Variants in CCDC178 observed in about 807,000 individuals in gnomAD.
CCDC178 encodes coiled-coil domain-containing protein 178.
A neutral mutation model predicts 117.4 loss-of-function variants in CCDC178; 126 were observed. The observed-to-expected ratio is 1.07, with a 90% CI of 0.93 to 1.24. The LOEUF (loss-of-function observed/expected upper bound fraction) is 1.24. CCDC178 is among the 50% of genes most tolerant of loss of function. The pLI is 0.00. For missense variants in CCDC178, 1,030 were observed against 986.9 expected, an observed-to-expected ratio of 1.04 and a Z score of -0.59; for synonymous variants, 283 against 313.4, an observed-to-expected ratio of 0.90 and a Z score of 1.02.
chr18:32,959,838 T>A (rs878926771), intron 22 of CCDC178, among the ~76,000 whole-genome samples: 1 of 151,952 alleles, frequency 6.6e-6, no homozygotes, highest in Non-Finnish European at 1.5e-5. Flanking sequence ...CTCTTCCACT[T>A]GAAAAATGTC....
intron 21 of CCDC178, among the ~76,000 whole-genome samples, chr18:33,002,943 C>T (rs1469918151): frequency 3.9e-5 from 6 of 152,066 alleles, no homozygotes; most frequent in Admixed American, 3.9e-4. Flanking sequence ...TGGATAAATT[C>T]CTAGATACAT....
chr18:33,264,655 C>T (rs1261870050), intron 14 of CCDC178, among the ~76,000 whole-genome samples: 1 of 152,018 alleles, frequency 6.6e-6, no homozygotes, highest in Non-Finnish European at 1.5e-5. Context: ...GATAGATGTA[C>T]TTGTGTTCCC....
At chr18:33,347,125 A>G (rs2062906883) in intron 8 of CCDC178, among the ~76,000 whole-genome samples, 1 of 152,166 alleles carries the variant, frequency 6.6e-6, no homozygotes, top group Admixed American at 6.5e-5. Flanking sequence ...GGTAAAGAAG[A>G]CAGATATGAG....
At chr18:33,102,049 T>C (rs759814446) in intron 20 of CCDC178, among the ~76,000 whole-genome samples, 14 of 151,888 alleles carry the variant, frequency 9.2e-5, no homozygotes, top group Non-Finnish European at 1.6e-4. Context: ...AACAGAGAGG[T>C]ACATGGAGTA....
chr18:33,402,466 T>C (rs1218948709), intron 3 of CCDC178, among the ~76,000 whole-genome samples: 1 of 152,192 alleles, frequency 6.6e-6, no homozygotes, highest in East Asian at 1.9e-4. Context: ...GAGTTGCAGT[T>C]TTTTGCAAGC....
chr18:32,977,652 T>G (rs1369243443), intron 21 of CCDC178, among the ~76,000 whole-genome samples: 1 of 152,186 alleles, frequency 6.6e-6, no homozygotes, highest in Non-Finnish European at 1.5e-5. Context: ...GGCTGTAGGA[T>G]GAACTCTTAG....
chr18:33,373,190 T>A (rs951950862), intron 5 of CCDC178, among the ~76,000 whole-genome samples: 3 of 152,182 alleles, frequency 2.0e-5, no homozygotes, highest in Non-Finnish European at 4.4e-5. Flanking sequence ...CACATTTTCA[T>A]TGGACCTTAA....
intron 20 of CCDC178, among the ~76,000 whole-genome samples, chr18:33,183,824 T>C (rs976360910): frequency 1.3e-5 from 2 of 152,102 alleles, no homozygotes; most frequent in Non-Finnish European, 2.9e-5. Context: ...TGCACTCTGA[T>C]CTATAGAATT....
At chr18:33,295,359 CA>C (rs2062093802) in intron 11 of CCDC178, among the ~76,000 whole-genome samples, 1 of 151,892 alleles carries the variant, frequency 6.6e-6, no homozygotes. Flanking sequence ...TTTTAGAAAA[CA>C]AATTTCTTTG....
At chr18:32,968,441 T>C (rs759992571) in intron 22 of CCDC178, among the ~76,000 whole-genome samples, 1 of 151,998 alleles carries the variant, frequency 6.6e-6, no homozygotes, top group Non-Finnish European at 1.5e-5. Context: ...CTATTGTGAA[T>C]AGTGCTGCAA....
At chr18:33,020,102 C>T (rs1015648443) in intron 21 of CCDC178, among the ~76,000 whole-genome samples, 5 of 149,208 alleles carry the variant, frequency 3.4e-5, no homozygotes, top group African/African-American at 1.2e-4. Context: ...CCTGCCACCA[C>T]AACCGGATAA....
chr18:32,959,572 TTTGAG>T (rs2144654534), intron 22 of CCDC178, among the ~76,000 whole-genome samples: 1 of 152,246 alleles, frequency 6.6e-6, no homozygotes, highest in South Asian at 2.1e-4. Flanking sequence ...TTTCATCTTT[TTTGAG>T]TTTTCTTTTA....
intron 20 of CCDC178, among the ~76,000 whole-genome samples, chr18:33,110,173 C>A (rs1245637288): frequency 6.6e-6 from 1 of 151,534 alleles, no homozygotes; most frequent in African/African-American, 2.4e-5. Flanking sequence ...ATTTCATATG[C>A]TTATCGGACA....
At chr18:33,411,737 T>C (rs1297841796) in intron 3 of CCDC178, among the ~76,000 whole-genome samples, 1 of 152,158 alleles carries the variant, frequency 6.6e-6, no homozygotes, top group Non-Finnish European at 1.5e-5. Flanking sequence ...AGAAGAGATA[T>C]ATACAAGAGC....
At chr18:33,179,621 A>G (rs2058711389) in intron 20 of CCDC178, among the ~76,000 whole-genome samples, 1 of 152,050 alleles carries the variant, frequency 6.6e-6, no homozygotes, top group Non-Finnish European at 1.5e-5. Flanking sequence ...AAATAGCAAA[A>G]TAGTGTCTCT....
At chr18:33,184,265 T>C (rs187090188) in intron 20 of CCDC178, among the ~76,000 whole-genome samples, 5 of 152,098 alleles carry the variant, frequency 3.3e-5, no homozygotes, top group Admixed American at 3.3e-4. Context: ...TTGAAAAAAA[T>C]ACTCATGATG....
intron 20 of CCDC178, among the ~76,000 whole-genome samples, chr18:33,125,017 T>TGCTTGATGCTAGTGTTTAGC (rs2057986256): frequency 6.6e-6 from 1 of 152,182 alleles, no homozygotes; most frequent in Non-Finnish European, 1.5e-5. Flanking sequence ...TGCACACATT[T>TGCTTGATGCTAGTGTTTAGC]GCTTGATGCT....
chr18:33,034,622 T>A (rs1329732300), intron 21 of CCDC178, among the ~76,000 whole-genome samples: 1 of 152,082 alleles, frequency 6.6e-6, no homozygotes. Context: ...CCAGCCTATG[T>A]TGCCTTCCCA....
At chr18:32,994,203 C>T (rs2055454670) in intron 21 of CCDC178, among the ~76,000 whole-genome samples, 1 of 152,110 alleles carries the variant, frequency 6.6e-6, no homozygotes, top group African/African-American at 2.4e-5. Flanking sequence ...CTCCTGAATG[C>T]TTGTATTCCA....
Sources: gnomAD v4.1 joint callset for allele counts (sites outside exome capture counted in the v4.1 genomes callset) on GRCh38, gnomAD v4.1.1 for gene constraint, MANE v1.5 for transcripts, NCBI Gene and HGNC (gene_info 2026-07-23, HGNC 2026-07-21) for gene names.